The following LRRC27 variants were observed in gnomAD, a reference collection of about 807,000 sequenced individuals.
LRRC27 encodes leucine rich repeat containing 27.
A neutral mutation model predicts 55.0 loss-of-function variants in LRRC27; 57 were observed. That is an observed-to-expected ratio of 1.04 (90% CI 0.84 to 1.29). The LOEUF (loss-of-function observed/expected upper bound fraction) is 1.29. LRRC27 is among the 50% of genes most tolerant of loss of function. The pLI, the probability that LRRC27 is intolerant of heterozygous loss-of-function variation, is 0.00. For synonymous variants in LRRC27, 278 were observed against 251.9 expected (o/e 1.10, Z -0.98); for missense variants, 721 against 651.5 (o/e 1.11, Z -1.16).
At chr10:132,367,155 A>G (rs1423499436) in intron 10 of LRRC27, 1 of 256,704 alleles carries the variant, frequency 3.9e-6, no homozygotes, top group African/African-American at 2.3e-5. Context: ...TGATAAATTT[A>G]GTGAAATAGA....
chr10:132,376,922 T>C lies in LRRC27; in HGVS notation c.*1680T>C, dbSNP rs532303426. On this transcript the variant is annotated 3_prime_UTR_variant, in exon 11 of 11. Transcript: ENST00000368614. ...TGTGTTTTCTTCTTAGTTATGTGAG[T>C]TTTTGCTATACGTGTTTTGGGGCTA... 50 of 152,336 alleles carry C rather than the reference T, an allele frequency of 3.3e-4. No individual in the cohort carries two copies. Among genetic ancestry groups the C allele is most frequent in the African/African-American group, 1.1e-3 (45 of 41,572 alleles). 9.4% of individuals were successfully genotyped at this position (152,336 alleles called of 1,614,324 possible).
At position 132,347,994 on chromosome 10, in the gene LRRC27, G is replaced by T. The variant is rs779585924; in HGVS notation, c.564G>T (p.Pro188=). The T allele has an allele frequency of 1.2e-6, 2 of 1,607,386 alleles. No individual in the cohort carries two copies. Among genetic ancestry groups the T allele is most frequent in the East Asian group, 4.5e-5 (2 of 44,822 alleles). The stretch of plus-strand genomic sequence containing the variant: ...TTCTTACTCTCCCAGAGGCTCCACC[G>T]GTTAGAGAGATGACCCTCCGTGACC... The part of the protein sequence containing the change: ...PRNPTSQEAP[P]VREMTLRDLP... Residue 188 remains proline, a synonymous_variant, in exon 6 of 11, where the codon CCG becomes CCT. Transcript: ENST00000368614.
chr10:132,354,331 C>T (rs974349121), intron 7 of LRRC27, among the ~76,000 whole-genome samples: 7 of 152,176 alleles, frequency 4.6e-5, no homozygotes, highest in South Asian at 2.1e-4. Flanking sequence ...GGCCCAGACC[C>T]GGCACAGCCC....
Position 132,374,946 on chromosome 10 carries a change from G to A in LRRC27, c.1417-120G>A. On this transcript the variant is annotated intron_variant, in intron 10 of 10. Coordinates refer to ENST00000368614, the MANE Select transcript of LRRC27 (RefSeq NM_030626.3). This position sits in a 1 kb window ranked among gnomAD's most constrained non-coding sequence, Gnocchi z 4.4. ...GGCTTGCAGGGGCCCCGGGGCAGCG[G>A]GGCTGGCTCTGCTGACGCCCACATG... 8.9e-7 allele frequency: 1 copy of A among 1,125,002 alleles called. No individual in the cohort carries two copies. Among genetic ancestry groups the A allele is most frequent in the Non-Finnish European group, 1.3e-6 (1 of 794,728 alleles). The allele number at this position is 1,125,002 out of a possible 1,614,324, so 69.7% of individuals were successfully genotyped here.
chr10:132,365,953 C>T (rs917010154), intron 10 of LRRC27, among the ~76,000 whole-genome samples: 3 of 152,234 alleles, frequency 2.0e-5, no homozygotes, highest in African/African-American at 7.2e-5. Context: ...TCTCTAAAAC[C>T]GTGGGACTGT....
Position 132,364,729 on chromosome 10 carries a change from C to T in LRRC27, c.1290-695C>T, listed in dbSNP as rs570028408. 1.8e-4 allele frequency among the ~76,000 whole-genome samples: 19 copies of T among 105,862 alleles called. No individual in the cohort carries two copies. In the East Asian group the frequency reaches 3.4e-3, roughly 19 times the overall value. The allele number at this position is 105,862 out of a possible 152,430, so 69.4% of individuals were successfully genotyped here. ...CCCACACTCATGCAGTCCGCGTCCA[C>T]ACTTACATCTACCTCCACGCCCACA... On this transcript the variant is annotated intron_variant, in intron 9 of 10. Transcript: ENST00000368614.
At position 132,337,655 on chromosome 10, in the gene LRRC27, A is replaced by G. The variant is rs767310423; in HGVS notation, c.301A>G (p.Asn101Asp). The change falls in exon 3 of 11, where the codon AAT becomes GAT. Residue 101 changes from asparagine to aspartate, a missense_variant. Coordinates refer to ENST00000368614, the MANE Select transcript of LRRC27 (RefSeq NM_030626.3). ...PNLTWLDLRY[N>D]RIKALPSGIG... ...CCTGACTTGGCTGGACCTCCGGTAC[A>G]ATAGAATTAAAGCGCTTCCTTCTGG... 9.3e-6 allele frequency: 15 copies of G among 1,614,088 alleles called. No homozygotes were observed. The East Asian group carries it at 1.6e-4, about 17-fold the overall frequency.
At chr10:132,353,082 C>G in intron 7 of LRRC27, 1 of 1,520,008 alleles carries the variant, frequency 6.6e-7, no homozygotes, top group Non-Finnish European at 8.8e-7. Context: ...CCCCAGGAGT[C>G]CGGCTGGCAT....
intron 10 of LRRC27, chr10:132,366,893 T>G (rs2069106342): frequency 7.8e-7 from 1 of 1,285,986 alleles, no homozygotes; most frequent in Admixed American, 2.3e-5. Context: ...GTGGAGCCAC[T>G]TCATGGAGAC....
At chr10:132,340,516 C>T (rs968567641) in intron 3 of LRRC27, among the ~76,000 whole-genome samples, 1 of 152,096 alleles carries the variant, frequency 6.6e-6, no homozygotes, top group Non-Finnish European at 1.5e-5. Flanking sequence ...CTCTGTTCAC[C>T]TTATAGAGAG....
chr10:132,348,958 C>T lies in LRRC27; in HGVS notation c.926+602C>T. On this transcript the variant is annotated intron_variant, in intron 6 of 10. Transcript: ENST00000368614. This position sits in a 1 kb window ranked among gnomAD's most constrained non-coding sequence, Gnocchi z 4.2. ...GCCGAGATTTTATTTTCCTTTCACACCCAGGACAAGGGTCCCTAGGAAACA... is the reference window on the plus strand; with the variant it reads ...GCCGAGATTTTATTTTCCTTTCACATCCAGGACAAGGGTCCCTAGGAAACA... 6.3e-7 allele frequency: 1 copy of T among 1,597,056 alleles called. No homozygotes were observed.
chr10:132,352,053 C>CAGCG (rs1316073956), intron 7 of LRRC27, among the ~76,000 whole-genome samples: 3 of 114,152 alleles, frequency 2.6e-5, no homozygotes, highest in Admixed American at 8.4e-5. Context: ...GGCGCTGAGG[C>CAGCG]CTCCGTGTGG....
At chr10:132,337,334 G>T (rs999992524) in intron 2 of LRRC27, 26 of 1,331,262 alleles carry the variant, frequency 2.0e-5, no homozygotes, top group Non-Finnish European at 2.4e-5. Flanking sequence ...GGCTCTTCAG[G>T]AAGTCAGTTC....
In LRRC27 at chr10:132,352,858, C is replaced by A. The variant is rs781272317; in HGVS notation, c.1073+1105C>A. The stretch of plus-strand genomic sequence containing the variant: ...CACCTGCCTGCTTTCTTGTTCTTTT[C>A]CCTCATTTCTTGTTCTTCCTCAGTC... On this transcript the variant is annotated intron_variant, in intron 7 of 10. Coordinates refer to ENST00000368614, the MANE Select transcript of LRRC27 (RefSeq NM_030626.3). 3 of 1,613,050 alleles carry A rather than the reference C, an allele frequency of 1.9e-6. No individual in the cohort carries two copies. In the South Asian group the frequency reaches 3.3e-5, roughly 18 times the overall value.
intron 2 of LRRC27, chr10:132,335,076 T>G (rs2067049198): frequency 6.6e-6 from 1 of 152,218 alleles, no homozygotes; most frequent in South Asian, 2.1e-4. Flanking sequence ...TATTGTGACA[T>G]AGCCACCTCA....
At chr10:132,343,326 C>T (rs2067508948) in intron 4 of LRRC27, among the ~76,000 whole-genome samples, 1 of 152,172 alleles carries the variant, frequency 6.6e-6, no homozygotes, top group Admixed American at 6.6e-5. Context: ...AAAAACAAAA[C>T]AACAACAACA....
At chr10:132,344,786 A>G in intron 5 of LRRC27, 136 bp downstream of exon 5, 1 of 883,728 alleles carries the variant, frequency 1.1e-6, no homozygotes, top group Non-Finnish European at 1.7e-6. Flanking sequence ...GAGTTGACAC[A>G]GTGTACACTG....
At chr10:132,331,833 G>A (rs770327478), upstream of LRRC27, 10 of 1,515,004 alleles carry the variant, frequency 6.6e-6, no homozygotes, top group African/African-American at 5.6e-5. Flanking sequence ...CAAGGCCGCG[G>A]GCGCGGAAAA....
intron 9 of LRRC27, among the ~76,000 whole-genome samples, chr10:132,363,704 C>T (rs896930450): frequency 6.6e-6 from 1 of 151,950 alleles, no homozygotes; most frequent in African/African-American, 2.4e-5. Context: ...CTTGGAAGGC[C>T]CAGGGCCTGG....
Sources: gnomAD v4.1 joint callset for allele counts (sites outside exome capture counted in the v4.1 genomes callset) on GRCh38, gnomAD v4.1.1 for gene constraint, Gnocchi (gnomAD v3.1) non-coding constraint, MANE v1.5 for transcripts, NCBI Gene and HGNC (gene_info 2026-07-23, HGNC 2026-07-21) for gene names.